Variants in RAB10 observed in about 807,000 individuals in gnomAD.
RAB10 encodes the protein ras-related protein Rab-10.
A neutral mutation model predicts 25.7 loss-of-function variants in RAB10; 5 were observed. That is an observed-to-expected ratio of 0.19 (90% confidence interval 0.10 to 0.41). RAB10 has a LOEUF of 0.41. Among genes scored for constraint, RAB10 ranks in the 10% least tolerant of loss-of-function variants. The pLI is 1.00. For synonymous variants in RAB10, 89 were observed against 86.4 expected, an observed-to-expected ratio of 1.03 and a Z score of -0.16; for missense variants, 103 against 245.8, an observed-to-expected ratio of 0.42 and a Z score of 3.89.
chr2:26,050,814 A>G (rs938427725), intron 1 of RAB10, among the ~76,000 whole-genome samples: 4 of 151,540 alleles, frequency 2.6e-5, no homozygotes, highest in South Asian at 2.1e-4. Flanking sequence ...TTTTCTATAC[A>G]TGGGTCTCAT....
chr2:26,121,545 G>GA, intron 3 of RAB10, among the ~76,000 whole-genome samples: 1 of 152,066 alleles, frequency 6.6e-6, no homozygotes, highest in Non-Finnish European at 1.5e-5. Flanking sequence ...GCAACAACTT[G>GA]AAAAACTCAC....
chr2:26,131,484 A>G (rs961894867), intron 5 of RAB10, among the ~76,000 whole-genome samples: 6 of 152,220 alleles, frequency 3.9e-5, no homozygotes, highest in Non-Finnish European at 4.4e-5. Flanking sequence ...CAGCAAATGT[A>G]AACTTCCTTC....
At chr2:26,038,941 AAAT>A (rs1195511279) in intron 1 of RAB10, among the ~76,000 whole-genome samples, 2 of 151,692 alleles carry the variant, frequency 1.3e-5, no homozygotes, top group Admixed American at 6.6e-5. Context: ...AAAAAAAAAA[AAAT>A]CTACCATTGC....
At chr2:26,098,800 A>C in intron 2 of RAB10, 78 bp downstream of exon 2, 1 of 1,240,858 alleles carries the variant, frequency 8.1e-7, no homozygotes, top group Non-Finnish European at 1.1e-6. Context: ...TTTTTGTCAC[A>C]GGTTTAGATT....
rs140479291 is a variant in RAB10 at position 26,135,209 on chromosome 2, C to CA, written c.*195dup. ...TGACTTTATCATAATTTTCTTCAAA[C>CA]AAAAAAATGTATAGAAAAATCATGT... On this transcript the variant is annotated 3_prime_UTR_variant, in exon 6 of 6. Transcript: ENST00000264710. 4.0e-6 allele frequency: 2 copies of CA among 497,176 alleles called. No homozygotes were observed. Among genetic ancestry groups the CA allele is most frequent in the East Asian group, 3.3e-5 (1 of 30,616 alleles). The allele number at this position is 497,176 out of a possible 1,614,324, so 30.8% of individuals were successfully genotyped here. A position where few individuals can be genotyped will look rare whatever the true frequency, so the allele number is the denominator to read the frequency against.
At chr2:26,061,092 C>CTTTTTTTTTTTTTTTTT (rs5829993) in intron 1 of RAB10, among the ~76,000 whole-genome samples, 292 of 83,614 alleles carry the variant, frequency 3.5e-3, no homozygotes, top group East Asian at 4.8e-3. Flanking sequence ...TTATCTCTGT[C>CTTTTTTTTTTTTTTTTT]TTTTTTTTTT....
At chr2:26,109,071 C>T (rs558845392) in intron 2 of RAB10, among the ~76,000 whole-genome samples, 5 of 151,980 alleles carry the variant, frequency 3.3e-5, no homozygotes, top group South Asian at 4.2e-4. Flanking sequence ...GCCACCATGC[C>T]GGGCTAATTT....
At chr2:26,092,302 TGTGTGTGTGTGTGTGTG>T (rs1477072303) in intron 1 of RAB10, among the ~76,000 whole-genome samples, 1 of 119,224 alleles carries the variant, frequency 8.4e-6, no homozygotes, top group Non-Finnish European at 1.8e-5. Context: ...TGTGTGTGTG[TGTGTGTGTGTGTGTGTG>T]TGTTGGGGTG....
chr2:26,071,868 TAA>T (rs1276401028), intron 1 of RAB10, among the ~76,000 whole-genome samples: 1 of 152,018 alleles, frequency 6.6e-6, no homozygotes, highest in African/African-American at 2.4e-5. Context: ...CTCAGTCTCT[TAA>T]AAAAATAAAT....
At chr2:26,045,093 G>A (rs1304223821) in intron 1 of RAB10, among the ~76,000 whole-genome samples, 2 of 151,636 alleles carry the variant, frequency 1.3e-5, no homozygotes, top group Admixed American at 6.6e-5. Context: ...CCATCTTAGC[G>A]CATAATAGAG....
intron 1 of RAB10, among the ~76,000 whole-genome samples, chr2:26,037,183 C>G (rs1312021456): frequency 6.6e-6 from 1 of 152,174 alleles, no homozygotes; most frequent in Non-Finnish European, 1.5e-5. Context: ...CCAACTAAAA[C>G]TCAATCCTGT....
At chr2:26,071,840 C>T (rs1214701585) in intron 1 of RAB10, among the ~76,000 whole-genome samples, 1 of 152,022 alleles carries the variant, frequency 6.6e-6, no homozygotes, top group African/African-American at 2.4e-5. Context: ...GCACTACAGC[C>T]TGGGTGACAG....
At chr2:26,126,345 A>C (rs1462763078) in intron 3 of RAB10, among the ~76,000 whole-genome samples, 1 of 152,102 alleles carries the variant, frequency 6.6e-6, no homozygotes, top group East Asian at 1.9e-4. Context: ...TGGGAGGCCG[A>C]TGGGGGTGGA....
intron 1 of RAB10, among the ~76,000 whole-genome samples, chr2:26,043,377 C>T (rs1665931848): frequency 1.3e-5 from 2 of 152,084 alleles, no homozygotes; most frequent in Non-Finnish European, 2.9e-5. Context: ...AGCTGATGAT[C>T]ATGCCACTGT....
intron 1 of RAB10, among the ~76,000 whole-genome samples, chr2:26,090,298 A>C (rs1667074282): frequency 6.6e-6 from 1 of 152,048 alleles, no homozygotes; most frequent in Non-Finnish European, 1.5e-5. Flanking sequence ...TGTCTTCTGG[A>C]TTTTAGTGTT....
At chr2:26,043,687 G>A (rs1378990942) in intron 1 of RAB10, among the ~76,000 whole-genome samples, 1 of 152,176 alleles carries the variant, frequency 6.6e-6, no homozygotes, top group Admixed American at 6.6e-5. Flanking sequence ...TAATGTGTGA[G>A]GTACCTATAG....
intron 1 of RAB10, among the ~76,000 whole-genome samples, chr2:26,084,544 T>G (rs1432467713): frequency 2.0e-5 from 3 of 152,228 alleles, no homozygotes; most frequent in Non-Finnish European, 4.4e-5. Flanking sequence ...TACGTGTTTT[T>G]GGTACATGGT....
chr2:26,129,326 ATGT>A (rs1559600625), intron 5 of RAB10, among the ~76,000 whole-genome samples: 1 of 151,854 alleles, frequency 6.6e-6, no homozygotes, highest in Non-Finnish European at 1.5e-5. Flanking sequence ...AGAGAAGCAG[ATGT>A]TGTATAGGAG....
chr2:26,056,509 A>G (rs568381553), intron 1 of RAB10, among the ~76,000 whole-genome samples: 1 of 152,076 alleles, frequency 6.6e-6, no homozygotes, highest in African/African-American at 2.4e-5. Context: ...TTGTTTTAAG[A>G]TGTAGAATTT....
Sources: gnomAD v4.1 joint callset for allele counts (sites outside exome capture counted in the v4.1 genomes callset) on GRCh38, gnomAD v4.1.1 for gene constraint, MANE v1.5 for transcripts, NCBI Gene and HGNC (gene_info 2026-07-23, HGNC 2026-07-21) for gene names.